ANKRD24: variants seen among roughly 807,000 people sequenced by gnomAD.
ANKRD24 encodes ankyrin repeat domain 24, also known as ankyrin repeat domain-containing protein 24.
Under a neutral mutation model 127.8 loss-of-function variants are expected in ANKRD24, and 109 were observed. That is an observed-to-expected ratio of 0.85 (90% CI 0.73 to 1.00). ANKRD24 has a LOEUF of 1.00. Ranked by LOEUF, ANKRD24 falls within the 50% of genes least tolerant of loss-of-function variation. The pLI is 0.00. For synonymous variants in ANKRD24, 743 were observed against 671.1 expected (o/e 1.11, Z -1.66); for missense variants, 1,648 against 1,570.2 (o/e 1.05, Z -0.84).
chr19:4,208,005 T>G (rs771222702), intron 10 of ANKRD24, 37 bp downstream of exon 10: 83 of 1,436,774 alleles, frequency 5.8e-5, no homozygotes, highest in Non-Finnish European at 7.1e-5. Context: ...ATTTGCTTCT[T>G]GGCAGCTTCT....
At position 4,222,723 on chromosome 19, in the gene ANKRD24, G is replaced by A. The variant is rs1970506378; in HGVS notation, c.3225G>A (p.Gln1075=). Residue 1075 remains glutamine, a synonymous_variant, in exon 20 of 22, where the codon CAG becomes CAA. Coordinates refer to ENST00000318934, the MANE Select transcript of ANKRD24 (RefSeq NM_001393985.1). The stretch of plus-strand genomic sequence containing the variant: ...ATCTTAAGGAAGCCTTGAAGGAGCA[G>A]CCGGCCGCCCTCGCCACCCCTGAGG... ...VFNLKEALKE[Q]PAALATPEVE... 1.2e-6 allele frequency: 2 copies of A among 1,612,342 alleles called. No individual in the cohort carries two copies. Among genetic ancestry groups the A allele is most frequent in the Middle Eastern group, 1.6e-4 (1 of 6,078 alleles).
At position 4,195,366 on chromosome 19, in the gene ANKRD24, G is replaced by A. The variant is rs900785415; in HGVS notation, c.37-4317G>A. Among the ~76,000 whole-genome samples the A allele has an allele frequency of 6.6e-6, 1 of 152,076 alleles. No individual in the cohort carries two copies. Among genetic ancestry groups the A allele is most frequent in the South Asian group, 2.1e-4 (1 of 4,826 alleles). Reference sequence around the variant, plus strand: ...TGGGATGACAGGCGTGAGCCACCATGCCTGGCCATTTGCTCTGATCTTGTA... The same window carrying A: ...TGGGATGACAGGCGTGAGCCACCATACCTGGCCATTTGCTCTGATCTTGTA... On this transcript the variant is annotated intron_variant, in intron 2 of 21. Coordinates refer to ENST00000318934, the MANE Select transcript of ANKRD24 (RefSeq NM_001393985.1). This position sits in a 1 kb window ranked among gnomAD's most constrained non-coding sequence, Gnocchi z 4.2.
intron 2 of ANKRD24, among the ~76,000 whole-genome samples, chr19:4,193,950 G>C (rs1034914551): frequency 2.6e-5 from 4 of 151,718 alleles, no homozygotes; most frequent in African/African-American, 9.7e-5. Flanking sequence ...TCAGAGAAGG[G>C]TTAGCAAATT....
In ANKRD24 at chr19:4,216,288, C is replaced by T. The variant is rs539092814; in HGVS notation, c.1275C>T (p.Ala425=). The change falls in exon 17 of 22, where the codon GCC becomes GCT. Residue 425 remains alanine, a synonymous_variant. Transcript: ENST00000318934. ...EEGELPDLPG[A]EVLLSRQLSP... Reference sequence around the variant, plus strand: ...TGACTCTGCGTCCCCCTCCAGGGGCCGAGGTGCTGCTGTCCAGACAACTCA... The same window carrying T: ...TGACTCTGCGTCCCCCTCCAGGGGCTGAGGTGCTGCTGTCCAGACAACTCA... The T allele has an allele frequency of 7.1e-6, 11 of 1,553,144 alleles. No homozygotes were observed. In the African/African-American group the frequency reaches 8.2e-5, roughly 12 times the overall value.
chr19:4,193,846 A>AGGGACGGAGGGAGGGAG (rs113209299), intron 2 of ANKRD24, among the ~76,000 whole-genome samples: 1 of 51,646 alleles, frequency 1.9e-5, no homozygotes. Flanking sequence ...GGAGGGAGGG[A>AGGGACGGAGGGAGGGAG]GGAAGGAAGG....
Position 4,217,654 on chromosome 19 carries a change from C to T in ANKRD24, c.2494C>T (p.Leu832=). 1 of 1,284,576 alleles carries T rather than the reference C, an allele frequency of 7.8e-7. No individual in the cohort carries two copies. The highest frequency in any genetic ancestry group is 9.8e-7 in the Non-Finnish European group (1 of 1,019,440). The allele number at this position is 1,284,576 out of a possible 1,614,324, so 79.6% of individuals were successfully genotyped here. ...GCTGGCGGAGGAGGAGGCGCGGGGC[C>T]TGCGGGCCGAGCTGGCCCAGCGGGA... ...RLLAEEEARG[L]RAELAQREEA... Residue 832 remains leucine, a synonymous_variant, in exon 18 of 22, where the codon CTG becomes TTG. Coordinates refer to ENST00000318934, the MANE Select transcript of ANKRD24 (RefSeq NM_001393985.1).
Position 4,217,727 on chromosome 19 carries a change from A to C in ANKRD24, c.2567A>C (p.Gln856Pro). The C allele has an allele frequency of 4.6e-6, 6 of 1,293,262 alleles. No individual in the cohort carries two copies. The highest frequency in any genetic ancestry group is 5.9e-6 in the Non-Finnish European group (6 of 1,024,944). The allele number at this position is 1,293,262 out of a possible 1,614,324, so 80.1% of individuals were successfully genotyped here. A position where few individuals can be genotyped will look rare whatever the true frequency, so the allele number is the denominator to read the frequency against. ...QSRELEVLRE[Q>P]LATARATGEQ... ...CGGGAGCTGGAGGTTCTGCGGGAGC[A>C]GCTGGCCACGGCCAGGGCCACGGGG... Residue 856 changes from glutamine (Q) to proline (P), a missense_variant, in exon 18 of 22, where the codon CAG (glutamine) becomes CCG (proline). Transcript: ENST00000318934.
intron 7 of ANKRD24, among the ~76,000 whole-genome samples, chr19:4,203,708 G>A (rs1188389210): frequency 2.6e-5 from 4 of 151,488 alleles, no homozygotes; most frequent in South Asian, 2.1e-4. Context: ...GTGCAATGGC[G>A]CAATCTTGGC....
chr19:4,202,899 A>C lies in ANKRD24; in HGVS notation c.439A>C (p.Ser147Arg). 6.3e-7 allele frequency: 1 copy of C among 1,589,088 alleles called. No homozygotes were observed. The highest frequency in any genetic ancestry group is 1.2e-5 in the South Asian group (1 of 86,718). The part of the protein sequence containing the change: ...ASCVVDVVDS[S>R]GWTALHHAAA... ...CTGCGTGGTGGACGTCGTGGACAGC[A>C]GCGGGTGGACTGCCCTACACCATGC... Residue 147 changes from serine (S) to arginine (R), a missense_variant, in exon 7 of 22, where the codon AGC becomes CGC. Physicochemically the swap from Ser to Arg is moderately radical, Grantham distance 110 (BLOSUM62 -1). Coordinates refer to ENST00000318934, the MANE Select transcript of ANKRD24 (RefSeq NM_001393985.1).
At chr19:4,222,538 G>C in intron 19 of ANKRD24, 132 bp from the exon 20 acceptor site, 1 of 1,121,912 alleles carries the variant, frequency 8.9e-7, no homozygotes, top group Non-Finnish European at 1.2e-6. Flanking sequence ...CCTCAGGCCA[G>C]AGTTTGCTAA....
intron 2 of ANKRD24, among the ~76,000 whole-genome samples, chr19:4,193,218 C>G (rs1257547752): frequency 2.2e-5 from 3 of 138,994 alleles, no homozygotes; most frequent in African/African-American, 8.1e-5. Context: ...AGGAGAATCG[C>G]TTGAATCCGG....
chr19:4,201,048 G>A (rs1212350418), intron 5 of ANKRD24, among the ~76,000 whole-genome samples: 2 of 152,162 alleles, frequency 1.3e-5, no homozygotes, highest in African/African-American at 4.8e-5. Context: ...AGTAGAGTTT[G>A]GGGATATCTG....
At chr19:4,214,097 T>C (rs1226530916) in intron 15 of ANKRD24, among the ~76,000 whole-genome samples, 1 of 152,082 alleles carries the variant, frequency 6.6e-6, no homozygotes, top group Non-Finnish European at 1.5e-5. Context: ...CACGCATGCA[T>C]TGCACGTGCA....
chr19:4,210,289 A>G lies in ANKRD24; in HGVS notation c.976A>G (p.Ile326Val), dbSNP rs1969640851. The G allele has an allele frequency of 6.3e-7, 1 of 1,588,396 alleles. No homozygotes were observed. The highest frequency in any genetic ancestry group is 2.3e-5 in the East Asian group (1 of 43,754). Residue 326 changes from isoleucine (I) to valine (V), a missense_variant, in exon 13 of 22, where the codon ATC becomes GTC. Transcript: ENST00000318934. ...MPDDRDAYEE[I>V]VRLRQERGRL... The stretch of plus-strand genomic sequence containing the variant: ...GGATGATCGAGATGCCTATGAGGAG[A>G]TCGTGAGGCTGCGGCAGGAGAGGGG...
chr19:4,197,131 C>T (rs1968790860), intron 2 of ANKRD24, among the ~76,000 whole-genome samples: 1 of 152,062 alleles, frequency 6.6e-6, no homozygotes, highest in East Asian at 1.9e-4. Flanking sequence ...ACCCATTTTA[C>T]GGAGGAGGAA....
intron 15 of ANKRD24, among the ~76,000 whole-genome samples, chr19:4,214,862 A>G (rs1349521825): frequency 6.6e-6 from 1 of 152,118 alleles, no homozygotes; most frequent in Non-Finnish European, 1.5e-5. Flanking sequence ...AAAACAAATC[A>G]ACAAAAAGTC....
At chr19:4,222,064 A>G (rs905197544) in intron 19 of ANKRD24, among the ~76,000 whole-genome samples, 1 of 152,210 alleles carries the variant, frequency 6.6e-6, no homozygotes, top group African/African-American at 2.4e-5. Context: ...TTTAAACTTA[A>G]TCTCTGTGCA....
chr19:4,199,439 T>TA lies in ANKRD24; in HGVS notation c.37-243dup. Reference sequence around the variant, plus strand: ...GGTGCCCAGGTTTGTCTCAAACTCCTAGGCTCAAGCGATCCTCCCACCTTG... The same window carrying TA: ...GGTGCCCAGGTTTGTCTCAAACTCCTAAGGCTCAAGCGATCCTCCCACCTTG... On this transcript the variant is annotated intron_variant, in intron 2 of 21. Transcript: ENST00000318934. This position sits in a 1 kb window ranked among gnomAD's most constrained non-coding sequence, Gnocchi z 5.2. The TA allele has an allele frequency of 1.1e-6, 1 of 940,036 alleles. No homozygotes were observed. The highest frequency in any genetic ancestry group is 1.3e-6 in the Non-Finnish European group (1 of 788,628). The allele number at this position is 940,036 out of a possible 1,614,324, so 58.2% of individuals were successfully genotyped here.
chr19:4,210,330 G>T lies in ANKRD24; in HGVS notation c.1017G>T (p.Lys339Asn). Residue 339 changes from lysine to asparagine, a missense_variant, in exon 13 of 22, where the codon AAG (lysine) becomes AAT (asparagine). By Grantham distance (94) the Lys-to-Asn change is moderately conservative. Coordinates refer to ENST00000318934, the MANE Select transcript of ANKRD24 (RefSeq NM_001393985.1). ...AGGAGAGGGGCCGCCTCCTGCAGAA[G>T]ATCCGGGGCCTGGAACAGCACAAGG... ...LRQERGRLLQ[K>N]IRGLEQHKER... 1.9e-6 allele frequency: 3 copies of T among 1,578,138 alleles called. No homozygotes were observed. The highest frequency in any genetic ancestry group is 2.3e-5 in the East Asian group (1 of 43,030).
Sources: gnomAD v4.1 joint callset for allele counts (sites outside exome capture counted in the v4.1 genomes callset) on GRCh38, gnomAD v4.1.1 for gene constraint, Gnocchi (gnomAD v3.1) non-coding constraint, MANE v1.5 for transcripts, NCBI Gene and HGNC (gene_info 2026-07-23, HGNC 2026-07-21) for gene names.